Variants in MED26 observed in about 807,000 individuals in gnomAD.
MED26 encodes the protein mediator complex subunit 26.
Under a neutral mutation model 43.7 loss-of-function variants are expected in MED26, and 7 were observed. The observed-to-expected ratio is 0.16, with a 90% confidence interval of 0.09 to 0.30. The LOEUF (loss-of-function observed/expected upper bound fraction) is 0.30, where lower values mean the gene tolerates loss of function less well. Ranked by LOEUF, MED26 falls within the 10% of genes least tolerant of loss-of-function variation. MED26 has a pLI of 1.00. For synonymous variants in MED26, 375 were observed against 371.1 expected (o/e 1.01, Z -0.12); for missense variants, 784 against 840.6 (o/e 0.93, Z 0.83).
rs780945389 is a variant in MED26, at chr19:16,575,795, C to T, written c.*232G>A. 5.4e-6 allele frequency: 3 copies of T among 554,818 alleles called. No homozygotes were observed. The highest frequency in any genetic ancestry group is 3.8e-5 in the African/African-American group (2 of 53,080). The allele number at this position is 554,818 out of a possible 1,614,324, so 34.4% of individuals were successfully genotyped here. A position where few individuals can be genotyped will look rare whatever the true frequency, so the allele number is the denominator to read the frequency against. On this transcript the variant is annotated 3_prime_UTR_variant, in exon 3 of 3. Coordinates refer to ENST00000263390, the MANE Select transcript of MED26 (RefSeq NM_004831.5). ...ACTCACTTTGCCGTCCTTCCTTCCACGCGGTCCTTCTTCGCAATTTTGTTA... is the reference window on the plus strand; with the variant it reads ...ACTCACTTTGCCGTCCTTCCTTCCATGCGGTCCTTCTTCGCAATTTTGTTA...
chr19:16,613,407 G>A (rs192453383), intron 1 of MED26, among the ~76,000 whole-genome samples: 16 of 152,236 alleles, frequency 1.1e-4, no homozygotes, highest in Admixed American at 5.9e-4. Context: ...GTCAGAGGCC[G>A]TGTCTGGCTG....
Position 16,576,057 on chromosome 19 carries a change from C to G in MED26, c.1773G>C (p.Leu591Phe). ...CCAAGCAGACATAAGGCAGAATGTT[C>G]AAGCGCCCGTCGTCGCCGTGCGGAT... The part of the protein sequence containing the change: ...SLDPHGDDGR[L>F]NILPYVCLD Residue 591 changes from leucine to phenylalanine, a missense_variant, in exon 3 of 3, where the codon TTG becomes TTC. Coordinates refer to ENST00000263390, the MANE Select transcript of MED26 (RefSeq NM_004831.5). This position sits in a 1 kb window ranked among gnomAD's most constrained non-coding sequence, Gnocchi z 6.8. 6.2e-7 allele frequency: 1 copy of G among 1,613,578 alleles called. No homozygotes were observed. The highest frequency in any genetic ancestry group is 8.5e-7 in the Non-Finnish European group (1 of 1,179,924).
intron 1 of MED26, chr19:16,611,419 T>A (rs1422271572): frequency 2.0e-5 from 3 of 152,182 alleles, no homozygotes; most frequent in Non-Finnish European, 4.4e-5. Flanking sequence ...AGAGGGGAAC[T>A]AATCCTCTCC....
intron 1 of MED26, among the ~76,000 whole-genome samples, chr19:16,620,244 C>G (rs1429045286): frequency 6.6e-6 from 1 of 152,232 alleles, no homozygotes; most frequent in Admixed American, 6.5e-5. Context: ...CAAGTGCCCA[C>G]TGGCCTCTCA....
At position 16,586,081 on chromosome 19, in the gene MED26, T is replaced by C. The variant is rs1404095748; in HGVS notation, c.73-7672A>G. Among the ~76,000 whole-genome samples the C allele has an allele frequency of 4.6e-5, 7 of 152,166 alleles. No homozygotes were observed. Among genetic ancestry groups the C allele is most frequent in the African/African-American group, 9.7e-5 (4 of 41,434 alleles). ...TGAACTGTTCCCACCCCGCCTGAGATCCCCAGCCTCTTGGGAATGCAGCTG... is the reference window on the plus strand; with the variant it reads ...TGAACTGTTCCCACCCCGCCTGAGACCCCCAGCCTCTTGGGAATGCAGCTG... On this transcript the variant is annotated intron_variant, in intron 1 of 2. Transcript: ENST00000263390. The surrounding 1 kb of genome is among the most constrained non-coding windows in gnomAD (Gnocchi z 5.1).
rs149933648 is a variant in MED26, at chr19:16,583,694, C to T, written c.73-5285G>A. ...GGTATACATGCAGGTCCAGCCCAGC[C>T]GCCTGGTACATGAATGTTGATGGAA... On this transcript the variant is annotated intron_variant, in intron 1 of 2. Transcript: ENST00000263390. Among the ~76,000 whole-genome samples, 576 of 152,000 alleles carry T rather than the reference C, an allele frequency of 3.8e-3. 7 individuals are homozygous for T. The highest frequency in any genetic ancestry group is 1.9e-3 in the Non-Finnish European group (130 of 68,012).
intron 1 of MED26, among the ~76,000 whole-genome samples, chr19:16,595,103 T>G (rs2049325847): frequency 6.6e-6 from 1 of 152,046 alleles, no homozygotes; most frequent in Admixed American, 6.5e-5. Flanking sequence ...GGATTCACAC[T>G]CCAGGAGCAG....
At chr19:16,590,676 C>T (rs1319656022) in intron 1 of MED26, among the ~76,000 whole-genome samples, 3 of 152,154 alleles carry the variant, frequency 2.0e-5, no homozygotes, top group African/African-American at 7.2e-5. Context: ...GATGTACTTA[C>T]AAGTTAAAAT....
chr19:16,602,843 C>T (rs1490439360), intron 1 of MED26, among the ~76,000 whole-genome samples: 1 of 151,990 alleles, frequency 6.6e-6, no homozygotes, highest in Non-Finnish European at 1.5e-5. Flanking sequence ...AGGGGAGGGA[C>T]GTGAGTGTTG....
At chr19:16,580,434 T>C (rs2086039049) in intron 1 of MED26, among the ~76,000 whole-genome samples, 1 of 151,944 alleles carries the variant, frequency 6.6e-6, no homozygotes, top group South Asian at 2.1e-4. Context: ...AATGGCACGA[T>C]CTCGGCTCAC....
At position 16,577,555 on chromosome 19, in the gene MED26, G is replaced by A. The variant is rs1413440090; in HGVS notation, c.275C>T (p.Ala92Val). 42 of 1,608,754 alleles carry A rather than the reference G, an allele frequency of 2.6e-5. No individual in the cohort carries two copies. Among genetic ancestry groups the A allele is most frequent in the Non-Finnish European group, 3.1e-5 (36 of 1,176,752 alleles). Residue 92 changes from alanine to valine, a missense_variant, in exon 3 of 3, where the codon GCG (alanine) becomes GTG (valine). This residue lies in a region of MED26 where 719 missense variants were observed against 730.9 expected (regional missense o/e 0.98). Transcript: ENST00000263390. This position sits in a 1 kb window ranked among gnomAD's most constrained non-coding sequence, Gnocchi z 8.1. ...KLIEPAHQHE[A>V]ALRGLAGATG... is the part of the protein sequence containing the mutation. Reference sequence around the variant, plus strand: ...GGCCCCCGCCAGCCCCCGCAGCGCCGCCTCATGCTGGTGTGCCGGCTCGAT... The same window carrying A: ...GGCCCCCGCCAGCCCCCGCAGCGCCACCTCATGCTGGTGTGCCGGCTCGAT...
chr19:16,592,047 C>T (rs914031071), intron 1 of MED26, among the ~76,000 whole-genome samples: 3 of 152,198 alleles, frequency 2.0e-5, no homozygotes, highest in Admixed American at 6.5e-5. Context: ...GAGGCCCAGC[C>T]CCACAGGGAT....
chr19:16,594,439 G>A (rs1260889548), intron 1 of MED26, among the ~76,000 whole-genome samples: 1 of 152,234 alleles, frequency 6.6e-6, no homozygotes, highest in Non-Finnish European at 1.5e-5. Context: ...AGTGGGGAAG[G>A]GGCAGCGAAA....
rs2085993452 is a variant in MED26 at position 16,575,944 on chromosome 19, T to C, written c.*83A>G. On this transcript the variant is annotated 3_prime_UTR_variant, in exon 3 of 3. Coordinates refer to ENST00000263390, the MANE Select transcript of MED26 (RefSeq NM_004831.5). ...CCGAGTTCCCAGCGCAGGAGGCAGC[T>C]GGGCCCCGGCCACCTGCCCACCTGC... 1 of 1,304,010 alleles carries C rather than the reference T, an allele frequency of 7.7e-7. No individual in the cohort carries two copies. The highest frequency in any genetic ancestry group is 1.5e-5 in the African/African-American group (1 of 68,228). The allele number at this position is 1,304,010 out of a possible 1,614,324, so 80.8% of individuals were successfully genotyped here. A position where few individuals can be genotyped will look rare whatever the true frequency, so the allele number is the denominator to read the frequency against.
At chr19:16,627,844 C>T (rs1022285944) in intron 1 of MED26, 28 bp downstream of exon 1, 1 of 1,459,504 alleles carries the variant, frequency 6.9e-7, no homozygotes, top group Non-Finnish European at 9.1e-7. Context: ...ATGCGGCCTC[C>T]GTCCCAGCTC....
chr19:16,584,900 A>G (rs1436716610), intron 1 of MED26, among the ~76,000 whole-genome samples: 1 of 152,176 alleles, frequency 6.6e-6, no homozygotes, highest in East Asian at 1.9e-4. Flanking sequence ...ATCTAGAAGG[A>G]CTGGCAGCCA....
At position 16,582,722 on chromosome 19, in the gene MED26, G is replaced by A. The variant is rs928789708; in HGVS notation, c.73-4313C>T. The stretch of plus-strand genomic sequence containing the variant: ...ACAGGGGGAGGGCAGCACCTAAGGT[G>A]GCCTCCCAGGGAGGTCAAAAAAGGA... On this transcript the variant is annotated intron_variant, in intron 1 of 2. Transcript: ENST00000263390. Among the ~76,000 whole-genome samples the A allele has an allele frequency of 3.1e-4, 47 of 152,218 alleles. 2 individuals are homozygous for A. The highest frequency in any genetic ancestry group is 1.5e-5 in the Non-Finnish European group (1 of 68,034).
chr19:16,599,329 C>T lies in MED26; in HGVS notation c.73-20920G>A, dbSNP rs117007212. Among the ~76,000 whole-genome samples the T allele has an allele frequency of 5.0e-3, 767 of 152,272 alleles. 1 individual carries two copies. The highest frequency in any genetic ancestry group is 0.02 in the Middle Eastern group (6 of 294). ...ACGGCAGGAAACATGGATCCTCTAA[C>T]CCATAGGCTTTGCTTTATTTATCAG... On this transcript the variant is annotated intron_variant, in intron 1 of 2. Transcript: ENST00000263390.
chr19:16,590,864 C>T (rs949909270), intron 1 of MED26, among the ~76,000 whole-genome samples: 16 of 151,628 alleles, frequency 1.1e-4, no homozygotes, highest in African/African-American at 3.9e-4. Context: ...ATGGCGAAAC[C>T]CTGTCTCTAC....
Sources: allele counts gnomAD v4.1 joint callset (sites outside exome capture counted in the v4.1 genomes callset), GRCh38; gene constraint gnomAD v4.1.1; regional missense constraint gnomAD v4.1.1; non-coding constraint Gnocchi (gnomAD v3.1); transcripts MANE v1.5; gene names NCBI Gene and HGNC (gene_info 2026-07-23, HGNC 2026-07-21).